RRM2: variants seen among roughly 807,000 people sequenced by gnomAD.
RRM2 encodes ribonucleoside-diphosphate reductase subunit M2.
In RRM2, 6 loss-of-function variants were observed where a neutral mutation model predicts 45.9. The ratio of observed to expected loss-of-function variants is 0.13; its 90% CI spans 0.07 to 0.26. The LOEUF is 0.26. Ranked by LOEUF, RRM2 falls within the 10% of genes least tolerant of loss-of-function variation. RRM2 has a pLI of 1.00. For synonymous variants in RRM2, 177 were observed against 173.0 expected, an observed-to-expected ratio of 1.02 and a Z score of -0.18; for missense variants, 343 against 489.5, an observed-to-expected ratio of 0.70 and a Z score of 2.82.
rs558214997 is a variant in RRM2 at position 10,196,102 on chromosome 2, A to G, written n.483-14209A>G. On this transcript the variant is annotated intron_variant and non_coding_transcript_variant, in intron 3 of 3. Transcript: ENST00000381786. ...GTCAGAAGTCCTTATTAGGTGAGCA[A>G]TTAATCAGATGTGTGGCTTCTCACC... is the stretch of plus-strand genomic sequence containing the variant. 3.3e-5 allele frequency among the ~76,000 whole-genome samples: 5 copies of G among 152,264 alleles called. No homozygotes were observed. In the East Asian group the frequency reaches 7.7e-4, roughly 24 times the overall value.
At chr2:10,162,332 G>A (rs146960119) in intron 3 of RRM2, among the ~76,000 whole-genome samples, 1,525 of 152,314 alleles carry the variant, frequency 0.01, 18 homozygotes, top group Non-Finnish European at 0.013. Flanking sequence ...GGGATGCGGC[G>A]TCTCGATGTG....
Position 10,169,545 on chromosome 2 carries a change from G to A in RRM2, n.482+27170G>A, listed in dbSNP as rs1165843995. Among the ~76,000 whole-genome samples, 1 of 152,194 alleles carries A rather than the reference G, an allele frequency of 6.6e-6. No individual in the cohort carries two copies. Among genetic ancestry groups the A allele is most frequent in the Non-Finnish European group, 1.5e-5 (1 of 68,034 alleles). ...CTGTAAGAGATGCAAAGCCAGGACGGTGAGGGTGAGCTGGGGTTGGGGAGG... is the reference window on the plus strand; with the variant it reads ...CTGTAAGAGATGCAAAGCCAGGACGATGAGGGTGAGCTGGGGTTGGGGAGG... On this transcript the variant is annotated intron_variant and non_coding_transcript_variant, in intron 3 of 3. Coordinates refer to the RRM2 transcript ENST00000381786. This position sits in a 1 kb window ranked among gnomAD's most constrained non-coding sequence, Gnocchi z 5.1.
chr2:10,147,142 G>T (rs13010608), intron 3 of RRM2, among the ~76,000 whole-genome samples: 128 of 151,942 alleles, frequency 8.4e-4, no homozygotes, highest in African/African-American at 3.0e-3. Context: ...TAGTAGACAT[G>T]GGGTTTCACC....
rs371946476 is a variant in RRM2, at chr2:10,187,024, G to A, written n.483-23287G>A. Reference sequence around the variant, plus strand: ...AGGAGGTGCGTGCGGGGCTGGTGCCGGTGCCCCCGAGGCCCACGTGCAGCC... The same window carrying A: ...AGGAGGTGCGTGCGGGGCTGGTGCCAGTGCCCCCGAGGCCCACGTGCAGCC... On this transcript the variant is annotated intron_variant and non_coding_transcript_variant, in intron 3 of 3. Transcript: ENST00000381786. 3.3e-5 allele frequency among the ~76,000 whole-genome samples: 5 copies of A among 152,252 alleles called. No individual in the cohort carries two copies. In the East Asian group the frequency reaches 5.8e-4, roughly 18 times the overall value.
chr2:10,126,775 C>G, intron 5 of RRM2, 100 bp from the exon 6 acceptor site: 4 of 821,154 alleles, frequency 4.9e-6, no homozygotes, highest in Non-Finnish European at 7.9e-6. Context: ...TTGGCAAATA[C>G]TTGAATTTGG....
chr2:10,203,458 A>G (rs1664601701), intron 3 of RRM2, among the ~76,000 whole-genome samples: 1 of 152,148 alleles, frequency 6.6e-6, no homozygotes, highest in African/African-American at 2.4e-5. Flanking sequence ...GAATTAATAC[A>G]TGTGAGGGTT....
chr2:10,202,939 C>T (rs959466694), intron 3 of RRM2, among the ~76,000 whole-genome samples: 2 of 152,208 alleles, frequency 1.3e-5, no homozygotes, highest in African/African-American at 4.8e-5. Flanking sequence ...CTGCGATCAT[C>T]CAGAACAACA....
In RRM2 at chr2:10,129,317, C is replaced by T. The variant is rs751173166; in HGVS notation, c.1101C>T (p.Gly367=). 6.8e-6 allele frequency: 11 copies of T among 1,614,004 alleles called. No individual in the cohort carries two copies. Among genetic ancestry groups the T allele is most frequent in the Non-Finnish European group, 8.5e-6 (10 of 1,179,938 alleles). ...GKTNFFEKRV[G]EYQRMGVMSS... ...CTAACTTCTTTGAGAAGAGAGTAGG[C>T]GAGTATCAGAGGATGGGAGTGATGT... The change falls in exon 10 of 10, where the codon GGC becomes GGT. Residue 367 remains glycine (G), a synonymous_variant. Transcript: ENST00000304567. This position sits in a 1 kb window ranked among gnomAD's most constrained non-coding sequence, Gnocchi z 4.8.
rs563042966 is a variant in RRM2 at position 10,169,110 on chromosome 2, C to CT, written n.482+26736dup. 1.9e-3 allele frequency among the ~76,000 whole-genome samples: 291 copies of CT among 151,952 alleles called. 1 individual carries two copies. The highest frequency in any genetic ancestry group is 0.014 in the Middle Eastern group (4 of 292). On this transcript the variant is annotated intron_variant and non_coding_transcript_variant, in intron 3 of 3. Transcript: ENST00000381786. This position sits in a 1 kb window ranked among gnomAD's most constrained non-coding sequence, Gnocchi z 5.1. ...ACCTCAGCCTTCCAAGTAGCTGGGA[C>CT]TACAGGCACATGTCACCATGCCCAG...
intron 3 of RRM2, among the ~76,000 whole-genome samples, chr2:10,150,510 A>T (rs1285433221): frequency 4.8e-5 from 7 of 145,830 alleles, no homozygotes; most frequent in Admixed American, 2.1e-4. Flanking sequence ...CTATGGGATG[A>T]TTTTTTTTTT....
At chr2:10,189,338 C>T (rs75037755) in intron 3 of RRM2, among the ~76,000 whole-genome samples, 47 of 152,334 alleles carry the variant, frequency 3.1e-4, no homozygotes, top group Non-Finnish European at 5.0e-4. Context: ...ATGTGAGGCG[C>T]TGCCCCGGAG....
At chr2:10,176,195 C>A (rs566498477) in intron 3 of RRM2, among the ~76,000 whole-genome samples, 90 of 152,322 alleles carry the variant, frequency 5.9e-4, no homozygotes, top group African/African-American at 2.1e-3. Context: ...AATAACTCTT[C>A]AAGACCCTGT....
chr2:10,126,147 A>G (rs1662773157), intron 5 of RRM2, among the ~76,000 whole-genome samples: 1 of 140,042 alleles, frequency 7.1e-6, no homozygotes, highest in African/African-American at 2.7e-5. Flanking sequence ...CAACAGAGTG[A>G]GACCCTCATC....
intron 5 of RRM2, among the ~76,000 whole-genome samples, chr2:10,125,429 C>T (rs552809280): frequency 7.9e-5 from 12 of 152,010 alleles, no homozygotes; most frequent in Admixed American, 3.3e-4. Context: ...TTTAGGGTGG[C>T]GCGCGGTGGT....
intron 3 of RRM2, among the ~76,000 whole-genome samples, chr2:10,150,270 AC>A (rs1663278836): frequency 1.3e-5 from 2 of 152,144 alleles, no homozygotes; most frequent in African/African-American, 4.8e-5. Flanking sequence ...ACACGGTGAA[AC>A]CCCATCTCTA....
intron 3 of RRM2, among the ~76,000 whole-genome samples, chr2:10,173,453 T>C (rs1663845133): frequency 6.6e-6 from 1 of 152,172 alleles, no homozygotes. Flanking sequence ...CATCTGGCTC[T>C]AGGGATGACC....
chr2:10,154,470 A>G (rs1382667520), intron 3 of RRM2, among the ~76,000 whole-genome samples: 1 of 142,996 alleles, frequency 7.0e-6, no homozygotes, highest in East Asian at 2.0e-4. Context: ...ATTGCACTCC[A>G]GCCTGGGTGA....
chr2:10,167,597 C>T lies in RRM2; in HGVS notation n.482+25222C>T, dbSNP rs186083156. On this transcript the variant is annotated intron_variant and non_coding_transcript_variant, in intron 3 of 3. Transcript: ENST00000381786. ...TCAGCGGGCGTGGTGGTGGGAAGGT[C>T]CTCTGTCCCTTGCTCATCCTGTGTC... 2.6e-5 allele frequency among the ~76,000 whole-genome samples: 4 copies of T among 152,264 alleles called. No individual in the cohort carries two copies. The East Asian group carries it at 7.7e-4, about 29-fold the overall frequency.
chr2:10,149,601 G>A (rs1487997350), intron 3 of RRM2, among the ~76,000 whole-genome samples: 2 of 151,950 alleles, frequency 1.3e-5, no homozygotes, highest in South Asian at 2.1e-4. Context: ...TAGATGCTGC[G>A]CTGTTTGCTT....
Sources: gnomAD v4.1 joint callset for allele counts (sites outside exome capture counted in the v4.1 genomes callset) on GRCh38, gnomAD v4.1.1 for gene constraint, Gnocchi (gnomAD v3.1) non-coding constraint, MANE v1.5 for transcripts, NCBI Gene and HGNC (gene_info 2026-07-23, HGNC 2026-07-21) for gene names.